The following CD36 variants were observed in gnomAD, a reference collection of about 807,000 sequenced individuals.
CD36 encodes the protein CD36 molecule (CD36 blood group), also known as platelet glycoprotein 4.
In CD36, 119 loss-of-function variants were observed where a neutral mutation model predicts 55.2. That is an observed-to-expected ratio of 2.15 (90% CI 1.86 to 2.51). The LOEUF (loss-of-function observed/expected upper bound fraction) is 2.51. CD36 is among the 30% of genes most tolerant of loss of function. The probability of loss-of-function intolerance (pLI) is 0.00; values close to 1 mark genes in which losing one functional copy is unlikely to be tolerated. For synonymous variants in CD36, 186 were observed against 193.6 expected, an observed-to-expected ratio of 0.96 and a Z score of 0.33; for missense variants, 819 against 555.5, an observed-to-expected ratio of 1.47 and a Z score of -4.77.
At chr7:80,673,324 TGTTCATA>T (rs1781513488) in intron 12 of CD36, 24 bp from the exon 13 acceptor site, 1 of 971,708 alleles carries the variant, frequency 1.0e-6, no homozygotes, top group South Asian at 1.5e-5. Context: ...TTAGTTTATA[TGTTCATA>T]ATTATTTTCA....
At chr7:80,616,257 G>T (rs1793146272) in intron 1 of CD36, among the ~76,000 whole-genome samples, 1 of 152,070 alleles carries the variant, frequency 6.6e-6, no homozygotes, top group South Asian at 2.1e-4. Flanking sequence ...CCACATTTGG[G>T]CAAAATCATC....
In CD36 at chr7:80,646,670, C is replaced by G. The variant is rs1278244126; in HGVS notation, c.-71C>G. ...ATGATAGAACCAGAGCTTGTAGAAACCACTTTAATCATATCCAGGAGTTTG... is the reference window on the plus strand; with the variant it reads ...ATGATAGAACCAGAGCTTGTAGAAAGCACTTTAATCATATCCAGGAGTTTG... On this transcript the variant is annotated 5_prime_UTR_variant, in exon 3 of 15. Transcript: ENST00000447544. The G allele has an allele frequency of 6.3e-7, 1 of 1,584,296 alleles. No homozygotes were observed. The highest frequency in any genetic ancestry group is 1.3e-5 in the African/African-American group (1 of 74,440).
At chr7:80,648,028 C>G (rs1288899157) in intron 3 of CD36, among the ~76,000 whole-genome samples, 1 of 152,120 alleles carries the variant, frequency 6.6e-6, no homozygotes, top group Non-Finnish European at 1.5e-5. Flanking sequence ...AGAGGGCTGA[C>G]TGTATTGTGT....
chr7:80,605,300 A>G (rs1029574953), intron 1 of CD36, among the ~76,000 whole-genome samples: 9 of 152,208 alleles, frequency 5.9e-5, no homozygotes, highest in Non-Finnish European at 1.2e-4. Context: ...ACATTGTGCT[A>G]AACATTTATA....
chr7:80,675,818 A>AG (rs965559512), intron 14 of CD36, among the ~76,000 whole-genome samples: 94 of 152,242 alleles, frequency 6.2e-4, no homozygotes, highest in African/African-American at 2.2e-3. Context: ...GGTTTTACTC[A>AG]GGGGGTCACA....
intron 8 of CD36, among the ~76,000 whole-genome samples, chr7:80,669,406 T>TA (rs1797427057): frequency 1.3e-5 from 2 of 152,110 alleles, no homozygotes; most frequent in African/African-American, 4.8e-5. Flanking sequence ...GTTAAAATAT[T>TA]TTGGATATTA....
At chr7:80,649,781 G>C (rs1487978536) in intron 3 of CD36, among the ~76,000 whole-genome samples, 1 of 151,848 alleles carries the variant, frequency 6.6e-6, no homozygotes, top group Admixed American at 6.6e-5. Context: ...AAAAGCAGAA[G>C]AATTATTACA....
intron 3 of CD36, 83 bp from the exon 4 acceptor site, chr7:80,656,457 C>T: frequency 1.6e-6 from 2 of 1,276,410 alleles, no homozygotes; most frequent in South Asian, 1.2e-5. Flanking sequence ...TTTATTCTGG[C>T]TGACTCAAGG....
At chr7:80,666,705 G>T (rs1429532871) in intron 8 of CD36, among the ~76,000 whole-genome samples, 1 of 152,186 alleles carries the variant, frequency 6.6e-6, no homozygotes, top group Non-Finnish European at 1.5e-5. Flanking sequence ...AGCCCTTACT[G>T]CATGATTCAG....
chr7:80,633,311 C>G (rs1009515778), intron 1 of CD36: 2 of 152,010 alleles, frequency 1.3e-5, no homozygotes, highest in Admixed American at 1.3e-4. Flanking sequence ...CCTACATATA[C>G]AGAAGTGCTC....
At chr7:80,634,091 C>G (rs960137847), upstream of CD36, among the ~76,000 whole-genome samples, 1 of 151,880 alleles carries the variant, frequency 6.6e-6, no homozygotes, top group African/African-American at 2.4e-5. Flanking sequence ...AGTATAGGCC[C>G]TTCAGTCAGT....
chr7:80,660,457 T>C (rs1014515377), intron 4 of CD36, among the ~76,000 whole-genome samples: 1 of 152,192 alleles, frequency 6.6e-6, no homozygotes, highest in African/African-American at 2.4e-5. Flanking sequence ...TAAGAAAATG[T>C]GCTCTAAATA....
upstream of CD36, among the ~76,000 whole-genome samples, chr7:80,637,719 AG>A (rs903817474): frequency 3.0e-4 from 46 of 152,136 alleles, no homozygotes; most frequent in African/African-American, 1.0e-3. Flanking sequence ...TGGTATTCTT[AG>A]GTTACTTTAC....
At chr7:80,653,282 C>T (rs1795766291) in intron 3 of CD36, among the ~76,000 whole-genome samples, 1 of 152,178 alleles carries the variant, frequency 6.6e-6, no homozygotes, top group Admixed American at 6.5e-5. Context: ...ATATTTTCTA[C>T]ATTTGTACTC....
intron 4 of CD36, among the ~76,000 whole-genome samples, chr7:80,660,020 C>A (rs1023936785): frequency 1.3e-5 from 2 of 151,934 alleles, no homozygotes; most frequent in African/African-American, 4.8e-5. Flanking sequence ...AAACCCCTAC[C>A]CTGTAGGAAT....
intron 4 of CD36, among the ~76,000 whole-genome samples, chr7:80,660,426 T>G (rs1033074715): frequency 1.4e-4 from 21 of 152,204 alleles, no homozygotes; most frequent in African/African-American, 5.1e-4. Flanking sequence ...AGGCCTTGTA[T>G]TTTGATCATT....
upstream of CD36, among the ~76,000 whole-genome samples, chr7:80,635,836 T>A (rs575915497): frequency 5.9e-5 from 9 of 152,278 alleles, no homozygotes; most frequent in Non-Finnish European, 1.3e-4. Flanking sequence ...TAATAGTCTC[T>A]CATTTCCACT....
chr7:80,664,271 TA>T, intron 6 of CD36, 134 bp from the exon 7 acceptor site: 1 of 629,616 alleles, frequency 1.6e-6, no homozygotes, highest in Non-Finnish European at 2.9e-6. Context: ...GCCAATAATT[TA>T]AAAAAATGTA....
upstream of CD36, among the ~76,000 whole-genome samples, chr7:80,633,656 T>G (rs1287383448): frequency 2.6e-5 from 4 of 152,012 alleles, no homozygotes; most frequent in African/African-American, 9.7e-5. Context: ...AGTTAGAACA[T>G]ACTAATACTT....
Sources: allele counts gnomAD v4.1 joint callset (sites outside exome capture counted in the v4.1 genomes callset), GRCh38; gene constraint gnomAD v4.1.1; transcripts MANE v1.5; gene names NCBI Gene and HGNC (gene_info 2026-07-23, HGNC 2026-07-21).